The following AOPEP variants were observed in gnomAD, a reference collection of about 807,000 sequenced individuals.
The protein encoded by AOPEP is aminopeptidase O (putative).
A neutral mutation model predicts 98.1 loss-of-function variants in AOPEP; 77 were observed. The ratio of observed to expected loss-of-function variants is 0.78; its 90% CI spans 0.65 to 0.95. The LOEUF (loss-of-function observed/expected upper bound fraction) is 0.95, where lower values mean the gene tolerates loss of function less well. Ranked by LOEUF, AOPEP falls within the 40% of genes least tolerant of loss-of-function variation. The pLI, the probability that AOPEP is intolerant of heterozygous loss-of-function variation, is 0.00. For synonymous variants in AOPEP, 346 were observed against 365.3 expected, an observed-to-expected ratio of 0.95 and a Z score of 0.60; for missense variants, 1,024 against 1,024.7, an observed-to-expected ratio of 1.00 and a Z score of 0.01.
chr9:94,837,400 T>A (rs1013813661), intron 5 of AOPEP, among the ~76,000 whole-genome samples: 4 of 152,224 alleles, frequency 2.6e-5, no homozygotes, highest in Admixed American at 2.6e-4. Flanking sequence ...CTCTGCATGA[T>A]TCTATGAAGC....
chr9:94,791,890 G>A (rs561446024), intron 3 of AOPEP, among the ~76,000 whole-genome samples: 2 of 152,114 alleles, frequency 1.3e-5, no homozygotes, highest in South Asian at 2.1e-4. Flanking sequence ...GCAGATGCTC[G>A]GAAAATATAC....
intron 5 of AOPEP, chr9:94,809,918 G>C: frequency 6.4e-6 from 1 of 155,944 alleles, no homozygotes; most frequent in East Asian, 1.9e-4. Flanking sequence ...GAATTGAGCC[G>C]CAGTCTTGGT....
At chr9:94,752,833 A>C (rs889515645) in intron 1 of AOPEP, among the ~76,000 whole-genome samples, 3 of 152,170 alleles carry the variant, frequency 2.0e-5, no homozygotes, top group African/African-American at 7.2e-5. Context: ...AAAGCAATAG[A>C]CTATGGTAGC....
intron 5 of AOPEP, among the ~76,000 whole-genome samples, chr9:94,810,311 G>GTTT (rs377395781): frequency 1.3e-5 from 2 of 149,456 alleles, no homozygotes; most frequent in African/African-American, 5.0e-5. Context: ...TTTAATCAGG[G>GTTT]TTTTTTTGTT....
chr9:94,989,060 G>C (rs1448564812), intron 11 of AOPEP, among the ~76,000 whole-genome samples: 5 of 151,174 alleles, frequency 3.3e-5, no homozygotes, highest in Non-Finnish European at 5.9e-5. Context: ...TGGGATTACA[G>C]GTGCACGACA....
chr9:95,091,184 C>T (rs1348011508), downstream of AOPEP, among the ~76,000 whole-genome samples: 1 of 152,200 alleles, frequency 6.6e-6, no homozygotes, highest in Non-Finnish European at 1.5e-5. Flanking sequence ...CCAAGCACGT[C>T]CTTGTTCTAT....
intron 5 of AOPEP, among the ~76,000 whole-genome samples, chr9:94,817,586 T>C (rs1851985375): frequency 6.6e-6 from 1 of 152,178 alleles, no homozygotes; most frequent in South Asian, 2.1e-4. Flanking sequence ...GAGAAGGCTT[T>C]TGAGGTCTAG....
At chr9:94,901,894 G>GT (rs946072020) in intron 5 of AOPEP, among the ~76,000 whole-genome samples, 4 of 152,170 alleles carry the variant, frequency 2.6e-5, no homozygotes, top group African/African-American at 9.7e-5. Flanking sequence ...GGGTGACAGA[G>GT]TGAGACTGTG....
chr9:94,922,438 A>G (rs995171783), intron 5 of AOPEP, among the ~76,000 whole-genome samples: 1 of 152,130 alleles, frequency 6.6e-6, no homozygotes, highest in African/African-American at 2.4e-5. Context: ...TTTTAGCCCA[A>G]AGGGTGAACT....
intron 5 of AOPEP, among the ~76,000 whole-genome samples, chr9:94,905,532 T>G (rs965780864): frequency 3.3e-5 from 5 of 152,196 alleles, no homozygotes; most frequent in African/African-American, 1.2e-4. Flanking sequence ...ATGGTAAATA[T>G]GCATGTTCTT....
chr9:94,826,362 T>C (rs1299718654), intron 5 of AOPEP, among the ~76,000 whole-genome samples: 2 of 152,192 alleles, frequency 1.3e-5, no homozygotes, highest in African/African-American at 4.8e-5. Context: ...GCCCTACATG[T>C]TGGGACACAG....
At position 95,013,922 on chromosome 9, in the gene AOPEP, T is replaced by C. The variant is rs79467055; in HGVS notation, c.2115+8306T>C. 2.5e-3 allele frequency among the ~76,000 whole-genome samples: 386 copies of C among 152,346 alleles called. 3 individuals carry two copies. Among genetic ancestry groups the C allele is most frequent in the East Asian group, 0.017 (90 of 5,192 alleles). ...TCTATACATTCCAATAATTTTAGTT[T>C]AATATGTCTCATTGTGGGTTACTTT... On this transcript the variant is annotated intron_variant, in intron 13 of 16. Transcript: ENST00000375315.
chr9:95,045,854 A>G (rs953371050), intron 13 of AOPEP, among the ~76,000 whole-genome samples: 5 of 152,182 alleles, frequency 3.3e-5, no homozygotes, highest in Non-Finnish European at 5.9e-5. Flanking sequence ...AGTAGATTTC[A>G]GGCAGCATCA....
In AOPEP at chr9:94,967,814, T is replaced by G; in HGVS notation, c.1916+13T>G. 1 of 1,608,858 alleles carries G rather than the reference T, an allele frequency of 6.2e-7. No homozygotes were observed. Among genetic ancestry groups the G allele is most frequent in the South Asian group, 1.1e-5 (1 of 90,956 alleles). On this transcript the variant is annotated intron_variant, in intron 10 of 16. Transcript: ENST00000375315. ...CAGAAGAAAAAAGGTAAGGACCAAT[T>G]TAGGAATTTTGGAATTAAGAGCCCA... is the stretch of plus-strand genomic sequence containing the variant.
In AOPEP at chr9:95,050,832, A is replaced by T. The variant is rs1216905841; in HGVS notation, c.2116-9862A>T. ...TTGTCTTGACTGTGTGTCTATGCACAAGAAAGGACAGGAACTGGGAGTAAT... is the reference window on the plus strand; with the variant it reads ...TTGTCTTGACTGTGTGTCTATGCACTAGAAAGGACAGGAACTGGGAGTAAT... On this transcript the variant is annotated intron_variant, in intron 13 of 16. Coordinates refer to ENST00000375315, the MANE Select transcript of AOPEP (RefSeq NM_001193329.3). 2.0e-5 allele frequency among the ~76,000 whole-genome samples: 3 copies of T among 152,266 alleles called. No homozygotes were observed. The East Asian group carries it at 5.8e-4, about 29-fold the overall frequency.
At chr9:94,730,379 A>G (rs1830253755) in intron 1 of AOPEP, among the ~76,000 whole-genome samples, 1 of 151,520 alleles carries the variant, frequency 6.6e-6, no homozygotes, top group South Asian at 2.1e-4. Flanking sequence ...TCATTAATGC[A>G]TTTCCTTGAG....
At chr9:94,771,987 G>GT in intron 2 of AOPEP, among the ~76,000 whole-genome samples, 2 of 152,252 alleles carry the variant, frequency 1.3e-5, no homozygotes, top group South Asian at 4.2e-4. Context: ...GACTGATGGA[G>GT]TTGAACCATC....
At chr9:94,849,605 C>T (rs889428858) in intron 5 of AOPEP, among the ~76,000 whole-genome samples, 5 of 150,172 alleles carry the variant, frequency 3.3e-5, no homozygotes, top group South Asian at 4.2e-4. Context: ...AGTTTTTCCA[C>T]GGGGGTGGGG....
At chr9:94,869,971 A>ATTTTTTTTTTTTTTTTTTTTTT (rs10556167) in intron 5 of AOPEP, among the ~76,000 whole-genome samples, 1 of 93,554 alleles carries the variant, frequency 1.1e-5, no homozygotes. Context: ...GAAGCCATGA[A>ATTTTTTTTTTTTTTTTTTTTTT]TTTTTTTTTT....
Sources: allele counts gnomAD v4.1 joint callset (sites outside exome capture counted in the v4.1 genomes callset), GRCh38; gene constraint gnomAD v4.1.1; transcripts MANE v1.5; gene names NCBI Gene and HGNC (gene_info 2026-07-23, HGNC 2026-07-21).